Variants in ZFAND6 observed in about 807,000 individuals in gnomAD.
The protein encoded by ZFAND6 is zinc finger AN1-type containing 6.
ZFAND6 carries 12 observed loss-of-function variants against 24.5 expected under a neutral mutation model. The observed-to-expected ratio is 0.49, with a 90% confidence interval of 0.31 to 0.79. The LOEUF (loss-of-function observed/expected upper bound fraction) is 0.79. Ranked by LOEUF, ZFAND6 falls within the 30% of genes least tolerant of loss-of-function variation. The probability of loss-of-function intolerance (pLI) is 0.04; values close to 1 mark genes in which losing one functional copy is unlikely to be tolerated. For synonymous variants in ZFAND6, 92 were observed against 81.5 expected (o/e 1.13, Z -0.69); for missense variants, 207 against 245.9 (o/e 0.84, Z 1.06).
intron 1 of ZFAND6, among the ~76,000 whole-genome samples, chr15:80,093,655 G>T (rs966166266): frequency 3.3e-5 from 5 of 152,192 alleles, no homozygotes; most frequent in African/African-American, 9.6e-5. Flanking sequence ...AACCCAGAAG[G>T]CGGAGGTTGC....
intron 5 of ZFAND6, among the ~76,000 whole-genome samples, chr15:80,128,285 T>C (rs1015946323): frequency 1.3e-5 from 2 of 152,230 alleles, no homozygotes; most frequent in African/African-American, 2.4e-5. Flanking sequence ...TAAAAACCAC[T>C]GAATTGTATA....
At chr15:80,132,979 C>T (rs188745760) in intron 6 of ZFAND6, among the ~76,000 whole-genome samples, 12 of 150,292 alleles carry the variant, frequency 8.0e-5, no homozygotes, top group Admixed American at 2.0e-4. Context: ...GCCATCTCTG[C>T]AGCTATGCCA....
intron 1 of ZFAND6, among the ~76,000 whole-genome samples, chr15:80,092,120 A>C (rs772354580): frequency 1.3e-5 from 2 of 152,152 alleles, no homozygotes; most frequent in Non-Finnish European, 2.9e-5. Context: ...ATTTATCTGC[A>C]AAACAACTGT....
chr15:80,060,454 G>T (rs1040155505), intron 1 of ZFAND6: 2 of 152,156 alleles, frequency 1.3e-5, no homozygotes, highest in African/African-American at 4.8e-5. Context: ...AAGTATGAAA[G>T]AATATTGTGT....
At chr15:80,124,695 G>A (rs1009612886) in intron 5 of ZFAND6, among the ~76,000 whole-genome samples, 1 of 152,156 alleles carries the variant, frequency 6.6e-6, no homozygotes, top group South Asian at 2.1e-4. Context: ...AGGAGAAATT[G>A]TATAGGCCCC....
intron 2 of ZFAND6, among the ~76,000 whole-genome samples, chr15:80,117,262 G>C (rs1400978720): frequency 1.3e-5 from 2 of 149,352 alleles, no homozygotes; most frequent in East Asian, 3.9e-4. Context: ...TCGCTCTGTT[G>C]CCCAGGCTGG....
intron 2 of ZFAND6, among the ~76,000 whole-genome samples, chr15:80,114,049 A>G (rs1375235566): frequency 1.3e-5 from 2 of 152,192 alleles, no homozygotes; most frequent in East Asian, 1.9e-4. Flanking sequence ...ATGAGCTAGA[A>G]GCTTGTTTCC....
chr15:80,069,753 C>T (rs962855999), intron 1 of ZFAND6, among the ~76,000 whole-genome samples: 1 of 152,078 alleles, frequency 6.6e-6, no homozygotes, highest in African/African-American at 2.4e-5. Flanking sequence ...GGATTACAGG[C>T]ACCTGCCACT....
intron 1 of ZFAND6, among the ~76,000 whole-genome samples, chr15:80,085,628 A>T (rs1347849040): frequency 6.6e-6 from 1 of 152,238 alleles, no homozygotes; most frequent in East Asian, 1.9e-4. Flanking sequence ...AAAATGGATA[A>T]AAATATCTGT....
intron 6 of ZFAND6, among the ~76,000 whole-genome samples, chr15:80,135,552 A>AT: frequency 6.6e-6 from 1 of 152,248 alleles, no homozygotes; most frequent in Non-Finnish European, 1.5e-5. Context: ...AGTAGATAAG[A>AT]TTTTGAGCAG....
At chr15:80,106,549 G>GA (rs1182633895) in intron 2 of ZFAND6, among the ~76,000 whole-genome samples, 7 of 146,874 alleles carry the variant, frequency 4.8e-5, no homozygotes, top group South Asian at 2.1e-4. Flanking sequence ...ATATAACTCT[G>GA]AAAAAACCAA....
At chr15:80,076,787 C>G (rs1567054788) in intron 1 of ZFAND6, among the ~76,000 whole-genome samples, 3 of 152,064 alleles carry the variant, frequency 2.0e-5, no homozygotes, top group Non-Finnish European at 1.5e-5. Context: ...TTCTCTATTC[C>G]TTTTTTCCCT....
chr15:80,094,914 A>G (rs2038627756), intron 1 of ZFAND6, among the ~76,000 whole-genome samples: 1 of 152,148 alleles, frequency 6.6e-6, no homozygotes, highest in Non-Finnish European at 1.5e-5. Context: ...AGCAAGGATT[A>G]CAAGAGTGCC....
At chr15:80,070,892 C>G (rs1476076241) in intron 1 of ZFAND6, among the ~76,000 whole-genome samples, 1 of 151,840 alleles carries the variant, frequency 6.6e-6, no homozygotes, top group Non-Finnish European at 1.5e-5. Flanking sequence ...ATTCTTTTTG[C>G]TGATTGCTTC....
chr15:80,083,992 G>A (rs1023161242), intron 1 of ZFAND6, among the ~76,000 whole-genome samples: 19 of 152,134 alleles, frequency 1.2e-4, no homozygotes, highest in Admixed American at 3.3e-4. Context: ...TTGGGGCGTG[G>A]TCTGATCACC....
chr15:80,088,852 C>A (rs755340705), intron 1 of ZFAND6, among the ~76,000 whole-genome samples: 1 of 152,104 alleles, frequency 6.6e-6, no homozygotes, highest in Non-Finnish European at 1.5e-5. Flanking sequence ...CCAAGTGCTC[C>A]GTAGTTCCAC....
chr15:80,133,041 T>G (rs1012418050), intron 6 of ZFAND6, among the ~76,000 whole-genome samples: 1 of 152,120 alleles, frequency 6.6e-6, no homozygotes, highest in Non-Finnish European at 1.5e-5. Context: ...TATTTTGTAT[T>G]GACAATGCAG....
Position 80,132,843 on chromosome 15 carries a change from C to T in ZFAND6, c.478+1550C>T, listed in dbSNP as rs191548000. Among the ~76,000 whole-genome samples the T allele has an allele frequency of 1.2e-4, 18 of 151,218 alleles. No individual in the cohort carries two copies. In the East Asian group the frequency reaches 3.3e-3, roughly 28 times the overall value. ...AAAAAGTTGAATTGCTTGGTATGTA[C>T]CATAGATTAATGTCTGCAGCTGCTA... On this transcript the variant is annotated intron_variant, in intron 6 of 6. Transcript: ENST00000261749.
chr15:80,132,569 C>A (rs758127544), intron 6 of ZFAND6, among the ~76,000 whole-genome samples: 25 of 152,176 alleles, frequency 1.6e-4, no homozygotes, highest in African/African-American at 5.5e-4. Flanking sequence ...TCAGGTGCTG[C>A]AAGTATCCAC....
Sources: gnomAD v4.1 joint callset for allele counts (sites outside exome capture counted in the v4.1 genomes callset) on GRCh38, gnomAD v4.1.1 for gene constraint, MANE v1.5 for transcripts, NCBI Gene and HGNC (gene_info 2026-07-23, HGNC 2026-07-21) for gene names.